CSPP1: variants seen among roughly 807,000 people sequenced by gnomAD.
The protein encoded by CSPP1 is centrosome and spindle pole associated protein 1.
A neutral mutation model predicts 164.4 loss-of-function variants in CSPP1; 126 were observed. The observed-to-expected ratio is 0.77, with a 90% CI of 0.66 to 0.89. The LOEUF (loss-of-function observed/expected upper bound fraction) is 0.89. CSPP1 is among the 40% of genes least tolerant of loss of function. The pLI is 0.00. For synonymous variants in CSPP1, 472 were observed against 476.7 expected, an observed-to-expected ratio of 0.99 and a Z score of 0.13; for missense variants, 1,395 against 1,449.8, an observed-to-expected ratio of 0.96 and a Z score of 0.61.
intron 28 of CSPP1, among the ~76,000 whole-genome samples, chr8:67,182,627 C>G (rs1833341058): frequency 6.6e-6 from 1 of 152,228 alleles, no homozygotes; most frequent in Non-Finnish European, 1.5e-5. Context: ...GTTCCGATTT[C>G]TCTACATCCT....
chr8:67,163,262 T>C (rs931272308), intron 22 of CSPP1, among the ~76,000 whole-genome samples: 33 of 152,150 alleles, frequency 2.2e-4, no homozygotes, highest in African/African-American at 7.7e-4. Context: ...AGTACTGCAT[T>C]TACTGTTCTT....
intron 13 of CSPP1, among the ~76,000 whole-genome samples, chr8:67,116,531 T>C (rs950325045): frequency 2.6e-5 from 4 of 152,200 alleles, no homozygotes; most frequent in Admixed American, 6.5e-5. Context: ...CATATAATTT[T>C]ATTTTAGCTT....
intron 15 of CSPP1, among the ~76,000 whole-genome samples, chr8:67,122,874 CTGTGTGTGTG>C (rs34484092): frequency 6.7e-6 from 1 of 149,284 alleles, no homozygotes; most frequent in Non-Finnish European, 1.5e-5. Flanking sequence ...CAGTCTTGCT[CTGTGTGTGTG>C]TGTGTGTGTG....
At position 67,159,852 on chromosome 8, in the gene CSPP1, TTTTCTTTCTTTCTTTCTTTCTTTCTTTC is replaced by T. The variant is rs71249421; in HGVS notation, c.2538+760_2538+787del. On this transcript the variant is annotated intron_variant, in intron 21 of 30. Coordinates refer to ENST00000678616, the MANE Select transcript of CSPP1 (RefSeq NM_001382391.1). ...TCTCTTTCTTTCTTTCTTTCTTTCT[TTTTCTTTCTTTCTTTCTTTCTTTCTTTC>T]TTTCTTTCTTTCTTTCTTTCTTTCT... is the stretch of plus-strand genomic sequence containing the variant. Among the ~76,000 whole-genome samples the T allele has an allele frequency of 1.9e-3, 89 of 47,594 alleles. 2 individuals are homozygous for T. The highest frequency in any genetic ancestry group is 6.5e-3 in the East Asian group (12 of 1,834). The allele number at this position is 47,594 out of a possible 152,430, so 31.2% of individuals were successfully genotyped here.
At chr8:67,169,885 C>T (rs1830146360) in intron 24 of CSPP1, among the ~76,000 whole-genome samples, 1 of 152,148 alleles carries the variant, frequency 6.6e-6, no homozygotes, top group African/African-American at 2.4e-5. Flanking sequence ...GTAGGTGGGA[C>T]TACAGGTGCA....
intron 1 of CSPP1, among the ~76,000 whole-genome samples, chr8:67,067,378 A>T (rs1313772683): frequency 6.6e-6 from 1 of 152,236 alleles, no homozygotes; most frequent in Non-Finnish European, 1.5e-5. Flanking sequence ...GTTGGTGTGG[A>T]TTATGATAAC....
At chr8:67,072,887 A>AAAAG (rs1253097385) in intron 1 of CSPP1, among the ~76,000 whole-genome samples, 2 of 150,222 alleles carry the variant, frequency 1.3e-5, no homozygotes, top group Non-Finnish European at 1.5e-5. Flanking sequence ...AAAAAAAAAA[A>AAAAG]AAAGAAAGAA....
chr8:67,132,005 A>T lies in CSPP1; in HGVS notation c.1752A>T (p.Ser584=). The stretch of plus-strand genomic sequence containing the variant: ...TTACAAGTGATCAAGTGATAAATTC[A>T]GGATTGATTTTTGAAGATAAACCGA... ...LKITSDQVIN[S]GLIFEDKPKP... is the part of the protein sequence containing the mutation. The change falls in exon 16 of 31, where the codon TCA becomes TCT. Residue 584 remains serine, a synonymous_variant. Transcript: ENST00000678616. The T allele has an allele frequency of 6.2e-7, 1 of 1,613,800 alleles. No individual in the cohort carries two copies.
chr8:67,128,109 A>G (rs531714205), intron 15 of CSPP1, among the ~76,000 whole-genome samples: 1 of 152,346 alleles, frequency 6.6e-6, no homozygotes, highest in South Asian at 2.1e-4. Context: ...TAGGGTAACC[A>G]CTAAAAGTAT....
chr8:67,105,632 C>T (rs747734336), intron 8 of CSPP1, among the ~76,000 whole-genome samples: 64 of 152,086 alleles, frequency 4.2e-4, no homozygotes, highest in Non-Finnish European at 7.9e-4. Context: ...AATCCACCCA[C>T]GTAGGCCTCC....
chr8:67,064,378 G>A, upstream of CSPP1: 1 of 1,610,242 alleles, frequency 6.2e-7, no homozygotes, highest in Non-Finnish European at 8.5e-7. Context: ...GAGGGGCGGA[G>A]CCCCGGCCCG....
chr8:67,074,251 A>G lies in CSPP1; in HGVS notation c.-2A>G. The G allele has an allele frequency of 6.2e-7, 1 of 1,605,544 alleles. No individual in the cohort carries two copies. The highest frequency in any genetic ancestry group is 8.5e-7 in the Non-Finnish European group (1 of 1,175,370). ...GAAATTTTTTTTTAAAGAATCTGCA[A>G]AATGGCTGATAATTTGGATGAATTT... On this transcript the variant is annotated 5_prime_UTR_variant, in exon 2 of 31. Transcript: ENST00000678616.
At chr8:67,181,580 ATAAG>A (rs1833054294) in intron 28 of CSPP1, among the ~76,000 whole-genome samples, 1 of 152,146 alleles carries the variant, frequency 6.6e-6, no homozygotes, top group Non-Finnish European at 1.5e-5. Context: ...CAAATGCTGC[ATAAG>A]TAAGTCATGG....
chr8:67,168,416 A>T (rs112139538), intron 24 of CSPP1, among the ~76,000 whole-genome samples: 1 of 152,126 alleles, frequency 6.6e-6, no homozygotes, highest in Middle Eastern at 3.2e-3. Flanking sequence ...TGGCAAGCCA[A>T]TATGATTTAA....
In CSPP1 at chr8:67,064,404, G is replaced by C; in HGVS notation, c.-145G>C. 1 of 1,613,628 alleles carries C rather than the reference G, an allele frequency of 6.2e-7. No individual in the cohort carries two copies. The highest frequency in any genetic ancestry group is 8.5e-7 in the Non-Finnish European group (1 of 1,179,862). On this transcript the variant is annotated 5_prime_UTR_variant, in exon 1 of 31. Coordinates refer to ENST00000678616, the MANE Select transcript of CSPP1 (RefSeq NM_001382391.1). ...CCCCGGCCCGGAGGTCTGTCATGCT[G>C]TTCCCGCTCCAGGTGGCCGCTGTAA... is the stretch of plus-strand genomic sequence containing the variant.
intron 18 of CSPP1, among the ~76,000 whole-genome samples, chr8:67,151,777 T>C (rs1343668421): frequency 6.6e-6 from 1 of 152,028 alleles, no homozygotes; most frequent in Non-Finnish European, 1.5e-5. Context: ...ATTCCCAAAT[T>C]AGACTTTTCT....
chr8:67,143,169 G>C (rs1473784756), intron 17 of CSPP1, among the ~76,000 whole-genome samples: 1 of 151,692 alleles, frequency 6.6e-6, no homozygotes. Context: ...CCTCCAATCT[G>C]TGAAATTCCT....
intron 19 of CSPP1, among the ~76,000 whole-genome samples, chr8:67,156,090 A>T (rs937419471): frequency 6.6e-6 from 1 of 152,172 alleles, no homozygotes; most frequent in Non-Finnish European, 1.5e-5. Context: ...AGTTCTTATC[A>T]TGGTCTAAGG....
At chr8:67,140,476 G>C (rs372069529) in intron 17 of CSPP1, among the ~76,000 whole-genome samples, 14 of 152,248 alleles carry the variant, frequency 9.2e-5, no homozygotes, top group Middle Eastern at 3.4e-3. Flanking sequence ...AGTTTTGAAA[G>C]AGTGAAACTC....
Sources: gnomAD v4.1 joint callset for allele counts (sites outside exome capture counted in the v4.1 genomes callset) on GRCh38, gnomAD v4.1.1 for gene constraint, MANE v1.5 for transcripts, NCBI Gene and HGNC (gene_info 2026-07-23, HGNC 2026-07-21) for gene names.